The following DDX10 variants were observed in gnomAD, a reference collection of about 807,000 sequenced individuals.
The protein encoded by DDX10 is probable ATP-dependent RNA helicase DDX10.
A neutral mutation model predicts 104.3 loss-of-function variants in DDX10; 74 were observed. That is an observed-to-expected ratio of 0.71 (90% confidence interval 0.59 to 0.86). The LOEUF is 0.86. Ranked by LOEUF, DDX10 falls within the 40% of genes least tolerant of loss-of-function variation. The pLI, the probability that DDX10 is intolerant of heterozygous loss-of-function variation, is 0.00. For missense variants in DDX10, 952 were observed against 1,040.0 expected (o/e 0.92, Z 1.16); for synonymous variants, 351 against 353.4 (o/e 0.99, Z 0.08).
rs191698200 is a variant in DDX10 at position 108,679,377 on chromosome 11, A to G, written c.665A>G (p.Asp222Gly). The change falls in exon 6 of 18, where the codon GAT becomes GGT. Residue 222 changes from aspartate to glycine, a missense_variant. Around this residue, in one of 3 missense-constraint regions of DDX10, gnomAD observed 412 missense variants for 479.2 expected, o/e 0.86. Coordinates refer to ENST00000322536, the MANE Select transcript of DDX10 (RefSeq NM_004398.4). The part of the protein sequence containing the change: ...HATDLQMLVL[D>G]EADRILDMGF... ...TTGCATTTTCCTTTTTCAGTTCTTGATGAAGCAGATAGAATCTTGGATATG... is the reference window on the plus strand; with the variant it reads ...TTGCATTTTCCTTTTTCAGTTCTTGGTGAAGCAGATAGAATCTTGGATATG... The G allele has an allele frequency of 1.3e-6, 2 of 1,591,990 alleles. No individual in the cohort carries two copies. Among genetic ancestry groups the G allele is most frequent in the African/African-American group, 1.4e-5 (1 of 73,454 alleles).
At chr11:108,717,771 A>C (rs1057202368) in intron 11 of DDX10, among the ~76,000 whole-genome samples, 10 of 152,236 alleles carry the variant, frequency 6.6e-5, no homozygotes, top group African/African-American at 2.4e-4. Context: ...AAACTGTTTT[A>C]CATGCGTTGT....
chr11:108,748,988 C>T (rs2094335131), intron 13 of DDX10, among the ~76,000 whole-genome samples: 1 of 151,870 alleles, frequency 6.6e-6, no homozygotes, highest in African/African-American at 2.4e-5. Flanking sequence ...AATACTGGGG[C>T]AGTAGAATAC....
At chr11:108,791,056 A>G (rs769515723) in intron 13 of DDX10, among the ~76,000 whole-genome samples, 9 of 152,184 alleles carry the variant, frequency 5.9e-5, no homozygotes, top group Non-Finnish European at 1.2e-4. Context: ...GTGTCCCTCT[A>G]CTAGAATATG....
intron 16 of DDX10, among the ~76,000 whole-genome samples, chr11:108,867,439 A>G (rs1198333327): frequency 6.6e-6 from 1 of 152,188 alleles, no homozygotes; most frequent in Admixed American, 6.5e-5. Context: ...AATTTAGGCC[A>G]ATAATTTTTA....
intron 16 of DDX10, among the ~76,000 whole-genome samples, chr11:108,910,283 A>G (rs542252872): frequency 1.3e-5 from 2 of 152,344 alleles, no homozygotes; most frequent in African/African-American, 4.8e-5. Context: ...CCCCTTGTGT[A>G]TGTCCAGGTT....
At position 108,820,721 on chromosome 11, in the gene DDX10, T is replaced by C. The variant is rs533391508; in HGVS notation, c.1966-17725T>C. 2.6e-5 allele frequency among the ~76,000 whole-genome samples: 4 copies of C among 152,296 alleles called. No individual in the cohort carries two copies. The South Asian group carries it at 8.3e-4, about 32-fold the overall frequency. On this transcript the variant is annotated intron_variant, in intron 13 of 17. Transcript: ENST00000322536. Reference sequence around the variant, plus strand: ...AGTTGAGCATGGTTTCAGACTCTTTTGCTGGGAAAGACGATGGGAATGGTT... The same window carrying C: ...AGTTGAGCATGGTTTCAGACTCTTTCGCTGGGAAAGACGATGGGAATGGTT...
intron 12 of DDX10, 36 bp from the exon 13 acceptor site, chr11:108,722,961 T>C (rs2094300166): frequency 6.4e-7 from 1 of 1,559,124 alleles, no homozygotes; most frequent in Non-Finnish European, 8.6e-7. Flanking sequence ...ATCATCAGTG[T>C]TGAGATGACT....
At chr11:108,885,949 A>G (rs1456311242) in intron 16 of DDX10, among the ~76,000 whole-genome samples, 1 of 152,182 alleles carries the variant, frequency 6.6e-6, no homozygotes, top group Non-Finnish European at 1.5e-5. Context: ...TTAAGGGAAA[A>G]GATTTTACTG....
intron 13 of DDX10, among the ~76,000 whole-genome samples, chr11:108,775,395 A>G (rs1410974348): frequency 6.6e-6 from 1 of 152,202 alleles, no homozygotes; most frequent in Non-Finnish European, 1.5e-5. Flanking sequence ...AAAATGAGTG[A>G]TATACCCGTC....
At chr11:108,810,682 T>C (rs1252560323) in intron 13 of DDX10, among the ~76,000 whole-genome samples, 3 of 152,130 alleles carry the variant, frequency 2.0e-5, no homozygotes, top group African/African-American at 7.2e-5. Context: ...TTCGGATTAG[T>C]CCCCCAAGTC....
intron 9 of DDX10, among the ~76,000 whole-genome samples, chr11:108,694,807 G>A (rs534527201): frequency 6.6e-6 from 1 of 152,206 alleles, no homozygotes; most frequent in African/African-American, 2.4e-5. Context: ...CGTGAACCCG[G>A]GAGGCGGAGG....
intron 16 of DDX10, among the ~76,000 whole-genome samples, chr11:108,900,239 C>T (rs1319525849): frequency 6.6e-6 from 1 of 152,168 alleles, no homozygotes. Context: ...TGTGATGCTT[C>T]TTGTATAGCC....
intron 13 of DDX10, among the ~76,000 whole-genome samples, chr11:108,733,785 C>T (rs1004921396): frequency 7.9e-5 from 12 of 151,968 alleles, no homozygotes; most frequent in Non-Finnish European, 7.4e-5. Flanking sequence ...AATTGGTTCT[C>T]GTTGTTCTTC....
intron 13 of DDX10, among the ~76,000 whole-genome samples, chr11:108,788,381 AGCTGGAGTTTTGCTCTTGCTCCCTAG>A (rs1861824199): frequency 1.3e-5 from 2 of 150,432 alleles, no homozygotes; most frequent in South Asian, 4.2e-4. Flanking sequence ...TTCTTTTTTG[AGCTGGAGTTTTGCTCTTGCTCCCTAG>A]GCTGGAGTGC....
At chr11:108,938,647 C>T in intron 17 of DDX10, among the ~76,000 whole-genome samples, 1 of 152,166 alleles carries the variant, frequency 6.6e-6, no homozygotes, top group Non-Finnish European at 1.5e-5. Flanking sequence ...TCACAGGGAA[C>T]TCTTTCATGT....
intron 13 of DDX10, among the ~76,000 whole-genome samples, chr11:108,765,787 C>T (rs1462441872): frequency 6.6e-6 from 1 of 152,156 alleles, no homozygotes; most frequent in Non-Finnish European, 1.5e-5. Context: ...TCATTTAGTT[C>T]CTCACTGTGT....
intron 13 of DDX10, among the ~76,000 whole-genome samples, chr11:108,788,055 C>T (rs1861819616): frequency 6.6e-6 from 1 of 152,102 alleles, no homozygotes; most frequent in Admixed American, 6.6e-5. Context: ...TACTGTATTC[C>T]TTGGATTGGG....
At chr11:108,697,545 A>AT (rs901212666) in intron 9 of DDX10, among the ~76,000 whole-genome samples, 5 of 152,130 alleles carry the variant, frequency 3.3e-5, no homozygotes, top group African/African-American at 1.2e-4. Flanking sequence ...GAAGTACCTA[A>AT]TTCTGTATTA....
chr11:108,746,091 T>C (rs2094331564), intron 13 of DDX10, among the ~76,000 whole-genome samples: 1 of 152,164 alleles, frequency 6.6e-6, no homozygotes, highest in Non-Finnish European at 1.5e-5. Context: ...CTTTCAGACA[T>C]AAATAACCAC....
Sources: gnomAD v4.1 joint callset for allele counts (sites outside exome capture counted in the v4.1 genomes callset) on GRCh38, gnomAD v4.1.1 for gene constraint, gnomAD v4.1.1 regional missense constraint, MANE v1.5 for transcripts, NCBI Gene and HGNC (gene_info 2026-07-23, HGNC 2026-07-21) for gene names.